ANK3: variants seen among roughly 807,000 people sequenced by gnomAD.
ANK3 encodes the protein ankyrin 3, also known as ankyrin-3.
In ANK3, 57 loss-of-function variants were observed where a neutral mutation model predicts 370.9. The observed-to-expected ratio is 0.15, with a 90% CI of 0.12 to 0.19. The LOEUF (loss-of-function observed/expected upper bound fraction) is 0.19, where lower values mean the gene tolerates loss of function less well. ANK3 is among the 10% of genes least tolerant of loss of function. The probability of loss-of-function intolerance (pLI) is 1.00; values close to 1 mark genes in which losing one functional copy is unlikely to be tolerated. For missense variants in ANK3, 4,439 were observed against 5,302.1 expected (o/e 0.84, Z 5.06); for synonymous variants, 1,929 against 1,946.3 (o/e 0.99, Z 0.23).
chr10:60,446,814 T>G (rs2064459883), intron 2 of ANK3, among the ~76,000 whole-genome samples: 2 of 152,138 alleles, frequency 1.3e-5, no homozygotes, highest in African/African-American at 4.8e-5. Context: ...AAAACTACCA[T>G]AACCAATGAA....
Position 60,068,098 on chromosome 10 carries a change from G to A in ANK3, c.12245-89C>T, listed in dbSNP as rs1281789871. 3.5e-6 allele frequency: 4 copies of A among 1,149,680 alleles called. No individual in the cohort carries two copies. In the East Asian group the frequency reaches 9.6e-5, roughly 27 times the overall value. 71.2% of individuals were successfully genotyped at this position (1,149,680 alleles called of 1,614,324 possible). On this transcript the variant is annotated intron_variant, in intron 37 of 43. Transcript: ENST00000280772. ...TTTAGCAGTACGCAGATTTTACAGA[G>A]AGACTAATGCTAACACTGTACACTG...
At chr10:60,051,865 C>T (rs1194833136) in intron 42 of ANK3, among the ~76,000 whole-genome samples, 1 of 151,570 alleles carries the variant, frequency 6.6e-6, no homozygotes, top group African/African-American at 2.4e-5. Context: ...GACTTTTTGG[C>T]AGCAGAAACT....
intron 2 of ANK3, among the ~76,000 whole-genome samples, chr10:60,465,944 C>T (rs2065003216): frequency 6.6e-6 from 1 of 152,000 alleles, no homozygotes; most frequent in Non-Finnish European, 1.5e-5. Flanking sequence ...GAGATCATCT[C>T]ATATGAGCCT....
At chr10:60,285,974 T>A (rs1044206041) in intron 1 of ANK3, among the ~76,000 whole-genome samples, 6 of 152,208 alleles carry the variant, frequency 3.9e-5, no homozygotes, top group African/African-American at 1.2e-4. Context: ...TGTGTACACA[T>A]CTGATTCAAT....
chr10:60,283,885 T>C (rs2098203113), intron 1 of ANK3, among the ~76,000 whole-genome samples: 1 of 152,176 alleles, frequency 6.6e-6, no homozygotes, highest in East Asian at 1.9e-4. Flanking sequence ...CATCACTTAA[T>C]ATGTATTAAT....
intron 1 of ANK3, among the ~76,000 whole-genome samples, chr10:60,697,300 A>G (rs2133412430): frequency 6.6e-6 from 1 of 152,036 alleles, no homozygotes; most frequent in East Asian, 1.9e-4. Context: ...GGTAGGAAAA[A>G]TCAATATCGT....
chr10:60,235,752 A>G (rs925635181), intron 7 of ANK3, among the ~76,000 whole-genome samples: 2 of 152,086 alleles, frequency 1.3e-5, no homozygotes, highest in Non-Finnish European at 2.9e-5. Context: ...GTTCACAAAG[A>G]ATCAATTACA....
chr10:60,085,432 G>C (rs1038145347), intron 30 of ANK3, among the ~76,000 whole-genome samples, 179 bp from the exon 31 acceptor site: 1 of 151,860 alleles, frequency 6.6e-6, no homozygotes, highest in Non-Finnish European at 1.5e-5. Context: ...ACTTTTACCA[G>C]GCTTATTGTG....
At chr10:60,274,057 C>G (rs938400193) in intron 4 of ANK3, among the ~76,000 whole-genome samples, 2 of 152,134 alleles carry the variant, frequency 1.3e-5, no homozygotes, top group Non-Finnish European at 2.9e-5. Flanking sequence ...CTCACTGCAG[C>G]CTTAACATGG....
chr10:60,204,914 G>A (rs187098143), intron 11 of ANK3, among the ~76,000 whole-genome samples: 17 of 152,290 alleles, frequency 1.1e-4, no homozygotes, highest in East Asian at 1.9e-4. Context: ...TCTAAAGGAC[G>A]TGCAGGATTT....
chr10:60,612,912 A>G (rs1169089009), intron 2 of ANK3, among the ~76,000 whole-genome samples: 2 of 152,200 alleles, frequency 1.3e-5, no homozygotes, highest in Non-Finnish European at 2.9e-5. Context: ...AAAAATTGCT[A>G]CAGAAGGTAG....
rs2086738540 is a variant in ANK3 at position 60,086,610 on chromosome 10, A to G, written c.3748+67T>C. ...TATTTCAAAGGTTTTATATCTTTGT[A>G]CACAAATATATCTTTGTACACAATC... On this transcript the variant is annotated intron_variant, in intron 30 of 43. Transcript: ENST00000280772. 4 of 1,336,306 alleles carry G rather than the reference A, an allele frequency of 3.0e-6. No individual in the cohort carries two copies. The Admixed American group carries it at 6.7e-5, about 22-fold the overall frequency. The allele number at this position is 1,336,306 out of a possible 1,614,324, so 82.8% of individuals were successfully genotyped here. A position where few individuals can be genotyped will look rare whatever the true frequency, so the allele number is the denominator to read the frequency against.
At chr10:60,243,020 G>A (rs2097493914) in intron 7 of ANK3, among the ~76,000 whole-genome samples, 1 of 152,094 alleles carries the variant, frequency 6.6e-6, no homozygotes, top group African/African-American at 2.4e-5. Flanking sequence ...ATATACTTAT[G>A]TCTTACTATT....
intron 2 of ANK3, among the ~76,000 whole-genome samples, chr10:60,567,102 C>G (rs915362906): frequency 5.3e-5 from 8 of 152,184 alleles, no homozygotes; most frequent in African/African-American, 1.7e-4. Flanking sequence ...TCCAGAAGAT[C>G]TAGCAAAGAA....
intron 23 of ANK3, chr10:60,140,761 T>C (rs2094525057): frequency 9.3e-7 from 1 of 1,075,702 alleles, no homozygotes; most frequent in South Asian, 3.7e-5. Flanking sequence ...GTTATTTGTA[T>C]GTAAATATGA....
intron 4 of ANK3, among the ~76,000 whole-genome samples, chr10:60,274,318 A>G (rs1192646346): frequency 1.3e-5 from 2 of 151,762 alleles, no homozygotes; most frequent in Non-Finnish European, 2.9e-5. Context: ...GTTTTTGGTG[A>G]GTGTTTCATG....
intron 38 of ANK3, among the ~76,000 whole-genome samples, chr10:60,067,353 G>A (rs1046380099): frequency 4.0e-5 from 6 of 151,662 alleles, no homozygotes; most frequent in Non-Finnish European, 7.4e-5. Context: ...TCCCATTATC[G>A]AAGTGATATA....
At chr10:60,564,974 G>A (rs761612145) in intron 2 of ANK3, among the ~76,000 whole-genome samples, 1 of 151,878 alleles carries the variant, frequency 6.6e-6, no homozygotes. Context: ...TCTCCAATTT[G>A]CCCCTTAAAA....
intron 2 of ANK3, among the ~76,000 whole-genome samples, chr10:60,501,738 ATGAAAACTTGTCCTT>A (rs971980565): frequency 2.0e-5 from 3 of 151,810 alleles, no homozygotes; most frequent in Admixed American, 6.6e-5. Context: ...AGAAAAAGAA[ATGAAAACTTGTCCTT>A]TAAAAGAGGA....
Sources: gnomAD v4.1 joint callset for allele counts (sites outside exome capture counted in the v4.1 genomes callset) on GRCh38, gnomAD v4.1.1 for gene constraint, MANE v1.5 for transcripts, NCBI Gene and HGNC (gene_info 2026-07-23, HGNC 2026-07-21) for gene names.